The following NKIRAS1 variants were observed in gnomAD, a reference collection of about 807,000 sequenced individuals.
The protein encoded by NKIRAS1 is NFKB inhibitor interacting Ras like 1, also known as NF-kappa-B inhibitor-interacting Ras-like protein 1.
In NKIRAS1, 16 loss-of-function variants were observed where a neutral mutation model predicts 19.8. The observed-to-expected ratio is 0.81, with a 90% confidence interval of 0.55 to 1.23. The LOEUF (loss-of-function observed/expected upper bound fraction) is 1.23, where lower values mean the gene tolerates loss of function less well. Among genes scored for constraint, NKIRAS1 ranks in the 50% most tolerant of loss-of-function variants. NKIRAS1 has a pLI of 0.00. For missense variants in NKIRAS1, 184 were observed against 220.0 expected (o/e 0.84, Z 1.04); for synonymous variants, 88 against 79.0 (o/e 1.11, Z -0.61).
At chr3:23,945,629 G>A (rs1317655898) in intron 1 of NKIRAS1, 2 of 1,170,194 alleles carry the variant, frequency 1.7e-6, no homozygotes, top group African/African-American at 1.6e-5. Flanking sequence ...GGGGATGGCC[G>A]GAGGGAGCGC....
intron 1 of NKIRAS1, among the ~76,000 whole-genome samples, chr3:23,928,662 CAG>C (rs1253723035): frequency 8.0e-6 from 1 of 124,620 alleles, no homozygotes; most frequent in Admixed American, 8.7e-5. Context: ...ACCAAAAAAA[CAG>C]AAGCCTCAAA....
chr3:23,900,812 T>G lies in NKIRAS1; in HGVS notation c.332A>C (p.Lys111Thr). 1 of 1,612,648 alleles carries G rather than the reference T, an allele frequency of 6.2e-7. No homozygotes were observed. The highest frequency in any genetic ancestry group is 2.2e-5 in the East Asian group (1 of 44,866). Residue 111 changes from lysine (K) to threonine (T), a missense_variant, in exon 4 of 5, where the codon AAA (lysine) becomes ACA (threonine). By Grantham distance (78) the Lys-to-Thr change is moderately conservative. Transcript: ENST00000425478. ...KKEIDKFKDK[K>T]EVAIVVLGNK... Reference sequence around the variant, plus strand: ...ATTTTTAACATATCCACTTGCCTCTTTTTTGTCTTTGAACTTATCGATTTC... The same window carrying G: ...ATTTTTAACATATCCACTTGCCTCTGTTTTGTCTTTGAACTTATCGATTTC...
intron 3 of NKIRAS1, among the ~76,000 whole-genome samples, chr3:23,910,067 C>G (rs545353777): frequency 9.9e-5 from 15 of 151,724 alleles, no homozygotes; most frequent in Non-Finnish European, 1.8e-4. Flanking sequence ...CCATGTTGTC[C>G]AGGATGGTCT....
upstream of NKIRAS1, chr3:23,920,472 A>C (rs1705015343): frequency 1.0e-6 from 1 of 985,194 alleles, no homozygotes; most frequent in Admixed American, 6.2e-5. Context: ...TTGGACCATC[A>C]CTTGTGCACC....
At chr3:23,904,048 G>A (rs992948352) in intron 3 of NKIRAS1, among the ~76,000 whole-genome samples, 1 of 152,060 alleles carries the variant, frequency 6.6e-6, no homozygotes, top group Non-Finnish European at 1.5e-5. Flanking sequence ...ACCTGTAATT[G>A]CAGCTACTTG....
chr3:23,946,112 G>T, intron 1 of NKIRAS1: 1 of 984,848 alleles, frequency 1.0e-6, no homozygotes, highest in Non-Finnish European at 1.2e-6. Context: ...CAGTGACGTC[G>T]CCGCGATTCC....
intron 4 of NKIRAS1, among the ~76,000 whole-genome samples, chr3:23,899,192 G>A (rs1038618115): frequency 7.2e-5 from 11 of 152,148 alleles, no homozygotes; most frequent in African/African-American, 2.7e-4. Context: ...GGAGGGAAGT[G>A]GGGCAGCTAT....
At chr3:23,903,649 A>G (rs1702735556) in intron 3 of NKIRAS1, among the ~76,000 whole-genome samples, 1 of 152,234 alleles carries the variant, frequency 6.6e-6, no homozygotes, top group African/African-American at 2.4e-5. Context: ...AAAGATAAGA[A>G]TATCTACCAA....
chr3:23,901,021 A>C lies in NKIRAS1; in HGVS notation c.123T>G (p.Asp41Glu), dbSNP rs1702469078. 6.2e-7 allele frequency: 1 copy of C among 1,613,956 alleles called. No homozygotes were observed. Among genetic ancestry groups the C allele is most frequent in the African/African-American group, 1.3e-5 (1 of 74,928 alleles). Residue 41 changes from aspartate (D) to glutamate (E), a missense_variant, in exon 4 of 5, where the codon GAT (aspartate) becomes GAG (glutamate). Transcript: ENST00000425478. ...CTGTTTCTACTGAAGCCATGTATACATCTTCCATTGTTTCGCAATCTTCCA... is the reference window on the plus strand; with the variant it reads ...CTGTTTCTACTGAAGCCATGTATACCTCTTCCATTGTTTCGCAATCTTCCA... ...IGMEDCETME[D>E]VYMASVETDR...
At chr3:23,919,105 T>C, upstream of NKIRAS1, 1 of 829,088 alleles carries the variant, frequency 1.2e-6, no homozygotes. Context: ...TCTTGTCTGG[T>C]GGTGAACTAG....
At chr3:23,898,553 C>T (rs948841802) in intron 4 of NKIRAS1, among the ~76,000 whole-genome samples, 1 of 151,938 alleles carries the variant, frequency 6.6e-6, no homozygotes, top group South Asian at 2.1e-4. Flanking sequence ...AAGCGATTCT[C>T]CTGCCTCGGC....
intron 4 of NKIRAS1, 64 bp from the exon 5 acceptor site, chr3:23,893,401 T>C (rs1701628554): frequency 2.1e-6 from 3 of 1,450,682 alleles, no homozygotes; most frequent in Non-Finnish European, 1.9e-6. Context: ...CTGGGCAAAA[T>C]GGAGACATAA....
chr3:23,903,587 C>T (rs991516368), intron 3 of NKIRAS1, among the ~76,000 whole-genome samples: 2 of 151,978 alleles, frequency 1.3e-5, no homozygotes, highest in African/African-American at 4.8e-5. Flanking sequence ...ATAGTACATC[C>T]ATGAAATAAG....
chr3:23,945,655 C>A, intron 1 of NKIRAS1: 11 of 871,038 alleles, frequency 1.3e-5, no homozygotes, highest in Non-Finnish European at 1.6e-5. Context: ...GCCCGCGGGG[C>A]ACTTTGGGGG....
chr3:23,897,385 G>C (rs1191069042), intron 4 of NKIRAS1, among the ~76,000 whole-genome samples: 5 of 152,164 alleles, frequency 3.3e-5, no homozygotes, highest in Non-Finnish European at 7.3e-5. Flanking sequence ...ACTGAACACA[G>C]TCCTTTTTAC....
upstream of NKIRAS1, chr3:23,920,747 C>G (rs373675012): frequency 9.2e-6 from 9 of 976,328 alleles, no homozygotes; most frequent in East Asian, 2.3e-4. Flanking sequence ...TTCTTGAGAC[C>G]TAAATTTCTT....
intron 3 of NKIRAS1, among the ~76,000 whole-genome samples, chr3:23,907,371 G>T (rs1351987743): frequency 6.6e-6 from 1 of 152,040 alleles, no homozygotes; most frequent in East Asian, 1.9e-4. Flanking sequence ...CAAAAATTTG[G>T]TTGTCAACTG....
chr3:23,943,010 C>A (rs940862847), intron 1 of NKIRAS1, among the ~76,000 whole-genome samples: 22 of 152,234 alleles, frequency 1.4e-4, no homozygotes, highest in African/African-American at 5.3e-4. Flanking sequence ...CCACATCAGT[C>A]TCCCAAAGTG....
chr3:23,924,431 A>T (rs553906237), intron 1 of NKIRAS1: 2 of 152,178 alleles, frequency 1.3e-5, no homozygotes, highest in East Asian at 3.9e-4. Flanking sequence ...ATTTTTTGAG[A>T]CGAGTCTCTG....
Sources: allele counts gnomAD v4.1 joint callset (sites outside exome capture counted in the v4.1 genomes callset), GRCh38; gene constraint gnomAD v4.1.1; transcripts MANE v1.5; gene names NCBI Gene and HGNC (gene_info 2026-07-23, HGNC 2026-07-21).